The following RNF213 variants were observed in gnomAD, a reference collection of about 807,000 sequenced individuals.
The protein encoded by RNF213 is ring finger protein 213, also known as E3 ubiquitin-protein ligase RNF213.
Under a neutral mutation model 514.4 loss-of-function variants are expected in RNF213, and 341 were observed. The observed-to-expected ratio is 0.66, with a 90% CI of 0.61 to 0.73. The LOEUF is 0.73. Ranked by LOEUF, RNF213 falls within the 30% of genes least tolerant of loss-of-function variation. The pLI, the probability that RNF213 is intolerant of heterozygous loss-of-function variation, is 0.00. For synonymous variants in RNF213, 2,655 were observed against 2,658.2 expected (o/e 1.00, Z 0.04); for missense variants, 5,767 against 6,615.6 (o/e 0.87, Z 4.45).
rs954147602 is a variant in RNF213, at chr17:80,264,809, C to T, written c.97+1031C>T. On this transcript the variant is annotated intron_variant, in intron 2 of 67. Transcript: ENST00000582970. The surrounding 1 kb of genome is among the most constrained non-coding windows in gnomAD (Gnocchi z 5.0). ...CGGTGGCCACGAGGTCCTACATAGA[C>T]GGCTGCCCACCCCATTCCTCTTGGC... is the stretch of plus-strand genomic sequence containing the variant. Among the ~76,000 whole-genome samples the T allele has an allele frequency of 2.4e-4, 37 of 152,088 alleles. No individual in the cohort carries two copies. The highest frequency in any genetic ancestry group is 6.0e-4 in the African/African-American group (25 of 41,414).
rs549328844 is a variant in RNF213 at position 80,319,171 on chromosome 17, C to A, written c.2902-19C>A. ...CTGCATCCGAAAGCTCTGAAACCAC[C>A]CCCCTTTGATTTTTGCAGGAGGAAC... On this transcript the variant is annotated intron_variant, in intron 16 of 67. Transcript: ENST00000582970. The A allele has an allele frequency of 6.2e-7, 1 of 1,614,114 alleles. No individual in the cohort carries two copies. The highest frequency in any genetic ancestry group is 1.3e-5 in the African/African-American group (1 of 75,036).
At chr17:80,333,972 C>A in intron 21 of RNF213, 133 bp from the exon 22 acceptor site, 1 of 942,132 alleles carries the variant, frequency 1.1e-6, no homozygotes, top group Non-Finnish European at 1.6e-6. Context: ...GCTTGGTGTG[C>A]CTGTTGTCAC....
chr17:80,303,463 C>G (rs2045248357), intron 11 of RNF213, among the ~76,000 whole-genome samples: 1 of 152,136 alleles, frequency 6.6e-6, no homozygotes. Context: ...GCTCTGTGCC[C>G]CTGGATCCCA....
intron 63 of RNF213, among the ~76,000 whole-genome samples, chr17:80,388,114 C>A (rs2080313447): frequency 6.6e-6 from 1 of 152,160 alleles, no homozygotes; most frequent in Admixed American, 6.5e-5. Flanking sequence ...CAGGCGCCCG[C>A]CACCATGCCC....
chr17:80,308,531 C>T (rs1352544650), intron 13 of RNF213, among the ~76,000 whole-genome samples: 2 of 151,500 alleles, frequency 1.3e-5, no homozygotes, highest in African/African-American at 2.4e-5. Flanking sequence ...GAGTCCCTAC[C>T]GAGTCCCTCC....
intron 2 of RNF213, among the ~76,000 whole-genome samples, chr17:80,267,758 T>TAA (rs1228876945): frequency 6.6e-6 from 1 of 151,876 alleles, no homozygotes. Flanking sequence ...GAAGCTGCAG[T>TAA]AAGTTCTCCA....
intron 15 of RNF213, chr17:80,316,383 A>C (rs1361206021): frequency 6.6e-6 from 1 of 152,384 alleles, no homozygotes. Flanking sequence ...TTTACAAAAC[A>C]GTTGGCCTGA....
chr17:80,343,764 C>G lies in RNF213; in HGVS notation c.6184-93C>G. The G allele has an allele frequency of 7.7e-7, 1 of 1,303,818 alleles. No individual in the cohort carries two copies. The highest frequency in any genetic ancestry group is 1.1e-6 in the Non-Finnish European group (1 of 899,352). 80.8% of individuals were successfully genotyped at this position (1,303,818 alleles called of 1,614,324 possible). ...TGTTGATGTTGATCATCAGGATCATCGTGACAAAGAGCAAAATAAGGAGGG... is the reference window on the plus strand; with the variant it reads ...TGTTGATGTTGATCATCAGGATCATGGTGACAAAGAGCAAAATAAGGAGGG... On this transcript the variant is annotated intron_variant, in intron 27 of 67. Coordinates refer to ENST00000582970, the MANE Select transcript of RNF213 (RefSeq NM_001256071.3). This position sits in a 1 kb window ranked among gnomAD's most constrained non-coding sequence, Gnocchi z 4.3.
At chr17:80,276,171 G>A (rs1167616783) in intron 3 of RNF213, among the ~76,000 whole-genome samples, 1 of 151,580 alleles carries the variant, frequency 6.6e-6, no homozygotes, top group East Asian at 1.9e-4. Flanking sequence ...CGTGACCTTG[G>A]CTCACAGCAA....
chr17:80,269,860 G>A (rs1027957497), intron 2 of RNF213, among the ~76,000 whole-genome samples: 1 of 152,326 alleles, frequency 6.6e-6, no homozygotes, highest in Non-Finnish European at 1.5e-5. Context: ...TATACTGTGA[G>A]TATTTAATGA....
At position 80,383,865 on chromosome 17, in the gene RNF213, G is replaced by C. The variant is rs745637389; in HGVS notation, c.14259G>C (p.Gln4753His). Residue 4753 changes from glutamine (Q) to histidine (H), a missense_variant, in exon 59 of 68, where the codon CAG becomes CAC. By Grantham distance (24) the Gln-to-His change is conservative (BLOSUM62 0). This residue lies in a region of RNF213 where 1,245 missense variants were observed against 1,339.0 expected (regional missense o/e 0.93). Coordinates refer to ENST00000582970, the MANE Select transcript of RNF213 (RefSeq NM_001256071.3). ...CRKRITVEYL[Q>H]HIVEQKNGKE... Reference sequence around the variant, plus strand: ...AAAGAATTACAGTTGAGTACCTCCAGCACATTGTGGAACAGAAAAATGGCA... The same window carrying C: ...AAAGAATTACAGTTGAGTACCTCCACCACATTGTGGAACAGAAAAATGGCA... 6.2e-7 allele frequency: 1 copy of C among 1,614,190 alleles called. No individual in the cohort carries two copies. The highest frequency in any genetic ancestry group is 8.5e-7 in the Non-Finnish European group (1 of 1,180,018).
Position 80,270,295 on chromosome 17 carries a change from C to T in RNF213, c.98-2946C>T, listed in dbSNP as rs183042663. ...CACTTCCCTTGTCCTGCTGTTTTGC[C>T]GTGACATAGGCTGCTAGGCTGCATG... On this transcript the variant is annotated intron_variant, in intron 2 of 67. Transcript: ENST00000582970. Among the ~76,000 whole-genome samples, 21 of 152,346 alleles carry T rather than the reference C, an allele frequency of 1.4e-4. No homozygotes were observed. In the East Asian group the frequency reaches 3.1e-3, roughly 22 times the overall value.
chr17:80,315,757 ACAGTGGTGATG>A (rs1568059705), intron 15 of RNF213: 37 of 17,596 alleles, frequency 2.1e-3, no homozygotes, highest in African/African-American at 6.4e-3. Context: ...GGTGGAGGTG[ACAGTGGTGATG>A]CTGGTGGTGG....
intron 18 of RNF213, among the ~76,000 whole-genome samples, chr17:80,326,526 A>G (rs1416063662): frequency 6.6e-6 from 1 of 152,196 alleles, no homozygotes; most frequent in Non-Finnish European, 1.5e-5. Context: ...AGGTTTGGAT[A>G]AACCATGGCC....
In RNF213 at chr17:80,263,575, A is replaced by G. The variant is rs1184707133; in HGVS notation, c.-107A>G. 3.1e-6 allele frequency: 3 copies of G among 955,272 alleles called. No homozygotes were observed. The East Asian group carries it at 7.3e-5, about 23-fold the overall frequency. The allele number at this position is 955,272 out of a possible 1,614,324, so 59.2% of individuals were successfully genotyped here. A position where few individuals can be genotyped will look rare whatever the true frequency, so the allele number is the denominator to read the frequency against. ...GCTGCTGTGATTTCACTTTCGCAGA[A>G]AATGAAACTGAAGCCGTGGTCACGT... On this transcript the variant is annotated splice_region_variant and 5_prime_UTR_variant, in exon 2 of 68. Coordinates refer to ENST00000582970, the MANE Select transcript of RNF213 (RefSeq NM_001256071.3). The surrounding 1 kb of genome is among the most constrained non-coding windows in gnomAD (Gnocchi z 4.9).
chr17:80,364,840 C>T (rs921281986), intron 42 of RNF213: 12 of 414,084 alleles, frequency 2.9e-5, no homozygotes, highest in South Asian at 1.5e-4. Flanking sequence ...GTGAAACCTT[C>T]GGCAGGGATT....
chr17:80,290,481 G>C, intron 6 of RNF213, 89 bp from the exon 7 acceptor site: 1 of 1,473,902 alleles, frequency 6.8e-7, no homozygotes, highest in Non-Finnish European at 9.4e-7. Flanking sequence ...ACGTGTGTGT[G>C]CGCACGTGTG....
chr17:80,382,005 G>A (rs887597171), intron 57 of RNF213: 30 of 456,898 alleles, frequency 6.6e-5, no homozygotes, highest in Admixed American at 1.7e-4. Context: ...ATTCGGGAGC[G>A]TCTGCACGCA....
chr17:80,349,120 C>T (rs73440734), intron 29 of RNF213, among the ~76,000 whole-genome samples: 88 of 151,338 alleles, frequency 5.8e-4, no homozygotes, highest in African/African-American at 2.0e-3. Context: ...TGGAGGGGTC[C>T]GGGGCGACCC....
Sources: allele counts gnomAD v4.1 joint callset (sites outside exome capture counted in the v4.1 genomes callset), GRCh38; gene constraint gnomAD v4.1.1; regional missense constraint gnomAD v4.1.1; non-coding constraint Gnocchi (gnomAD v3.1); transcripts MANE v1.5; gene names NCBI Gene and HGNC (gene_info 2026-07-23, HGNC 2026-07-21).